SCUBE2: variants seen among roughly 807,000 people sequenced by gnomAD.
SCUBE2 encodes the protein signal peptide, CUB and EGF-like domain-containing protein 2.
A neutral mutation model predicts 125.9 loss-of-function variants in SCUBE2; 114 were observed. That is an observed-to-expected ratio of 0.91 (90% CI 0.78 to 1.06). The LOEUF is 1.06. SCUBE2 is among the 50% of genes least tolerant of loss of function. The pLI, the probability that SCUBE2 is intolerant of heterozygous loss-of-function variation, is 0.00. For missense variants in SCUBE2, 1,255 were observed against 1,301.8 expected (o/e 0.96, Z 0.55); for synonymous variants, 459 against 492.9 (o/e 0.93, Z 0.91).
intron 22 of SCUBE2, among the ~76,000 whole-genome samples, 163 bp downstream of exon 22, chr11:9,021,713 T>G (rs1855306235): frequency 6.6e-6 from 1 of 152,188 alleles, no homozygotes; most frequent in Non-Finnish European, 1.5e-5. Context: ...AGCAACCTGA[T>G]TTTTTTAAAA....
At chr11:9,029,609 G>T (rs1856105675) in intron 19 of SCUBE2, among the ~76,000 whole-genome samples, 1 of 152,218 alleles carries the variant, frequency 6.6e-6, no homozygotes, top group African/African-American at 2.4e-5. Flanking sequence ...GCTGATCAAG[G>T]CTGGACTAAA....
Position 9,032,604 on chromosome 11 carries a change from G to A in SCUBE2, c.2173+1022C>T, listed in dbSNP as rs532479218. On this transcript the variant is annotated intron_variant, in intron 17 of 22. Coordinates refer to ENST00000649792, the MANE Select transcript of SCUBE2 (RefSeq NM_001367977.2). ...AAAATTTAGCAGGGCATGGTGGCACGCACCTGTAATCCCAGCTTCTCTGGA... is the reference window on the plus strand; with the variant it reads ...AAAATTTAGCAGGGCATGGTGGCACACACCTGTAATCCCAGCTTCTCTGGA... Among the ~76,000 whole-genome samples, 54 of 152,232 alleles carry A rather than the reference G, an allele frequency of 3.5e-4. No homozygotes were observed. The South Asian group carries it at 7.7e-3, about 22-fold the overall frequency.
chr11:9,069,919 C>T (rs1219621742), intron 4 of SCUBE2, among the ~76,000 whole-genome samples: 1 of 152,232 alleles, frequency 6.6e-6, no homozygotes, highest in African/African-American at 2.4e-5. Flanking sequence ...TTCACATACT[C>T]TTGAAGATAA....
intron 13 of SCUBE2, among the ~76,000 whole-genome samples, chr11:9,052,387 C>A (rs891423932): frequency 1.3e-5 from 2 of 152,242 alleles, no homozygotes; most frequent in African/African-American, 4.8e-5. Flanking sequence ...TCCCTGCTGC[C>A]CCTGCTTTGC....
At position 9,074,627 on chromosome 11, in the gene SCUBE2, G is replaced by C. The variant is rs746304861; in HGVS notation, c.383-12C>G. 6.2e-7 allele frequency: 1 copy of C among 1,614,158 alleles called. No individual in the cohort carries two copies. The highest frequency in any genetic ancestry group is 1.7e-5 in the Admixed American group (1 of 60,016). ...GCACTCGTCCACATCTGGAAGGAGA[G>C]AGGGATTAGCCTTTGCTTTGGTGAC... On this transcript the variant is annotated splice_polypyrimidine_tract_variant and intron_variant, in intron 3 of 22. Coordinates refer to ENST00000649792, the MANE Select transcript of SCUBE2 (RefSeq NM_001367977.2).
intron 7 of SCUBE2, among the ~76,000 whole-genome samples, chr11:9,063,656 C>T (rs1217644870): frequency 1.3e-5 from 2 of 152,106 alleles, no homozygotes; most frequent in Non-Finnish European, 2.9e-5. Flanking sequence ...CTATCTCATT[C>T]GCCGGATAAA....
chr11:9,056,006 A>G (rs1859046882), intron 9 of SCUBE2, 97 bp from the exon 10 acceptor site: 1 of 869,648 alleles, frequency 1.1e-6, no homozygotes, highest in African/African-American at 1.6e-5. Context: ...CAACACCAAA[A>G]ACAATACACA....
chr11:9,072,401 G>A (rs373104572), intron 4 of SCUBE2, among the ~76,000 whole-genome samples: 3 of 152,070 alleles, frequency 2.0e-5, no homozygotes, highest in African/African-American at 7.2e-5. Flanking sequence ...GTAGAGATGG[G>A]GTTTCACCGC....
intron 2 of SCUBE2, among the ~76,000 whole-genome samples, chr11:9,088,759 C>G (rs1337740629): frequency 1.3e-5 from 2 of 152,220 alleles, no homozygotes; most frequent in Non-Finnish European, 2.9e-5. Flanking sequence ...CATCTAATTT[C>G]TTCCTGCAAG....
chr11:9,041,189 C>G (rs919023130), intron 16 of SCUBE2, among the ~76,000 whole-genome samples: 1 of 152,130 alleles, frequency 6.6e-6, no homozygotes, highest in Non-Finnish European at 1.5e-5. Context: ...ACATAGTGTA[C>G]TAGCCAATAG....
rs148553714 is a variant in SCUBE2 at position 9,043,877 on chromosome 11, T to C, written c.2002+3479A>G. 4.6e-5 allele frequency among the ~76,000 whole-genome samples: 7 copies of C among 151,642 alleles called. No homozygotes were observed. The East Asian group carries it at 1.4e-3, about 29-fold the overall frequency. On this transcript the variant is annotated intron_variant, in intron 16 of 22. Transcript: ENST00000649792. ...GATAAATAATCCATGTTAGCAAAGA[T>C]GTAGGATGCTTCCAACGTTGGAAGC...
chr11:9,039,963 C>T (rs1025539316), intron 16 of SCUBE2, among the ~76,000 whole-genome samples: 2 of 152,230 alleles, frequency 1.3e-5, no homozygotes, highest in Admixed American at 6.5e-5. Flanking sequence ...AAAGAACACC[C>T]GACTGAAGGG....
chr11:9,089,264 A>G (rs1276791407), intron 2 of SCUBE2, among the ~76,000 whole-genome samples: 2 of 152,190 alleles, frequency 1.3e-5, no homozygotes, highest in Admixed American at 1.3e-4. Flanking sequence ...CCAAAGCCAT[A>G]AACAGGATGG....
At position 9,065,913 on chromosome 11, in the gene SCUBE2, C is replaced by G. The variant is rs1377931084; in HGVS notation, c.828G>C (p.Arg276=). ...NTTSVVDGDK[R]VKRRLLMETC... ...TACCCATGAGCAGCCGCCGTTTCACCCGTTTATCCCCATCCACCACTGATG... is the reference window on the plus strand; with the variant it reads ...TACCCATGAGCAGCCGCCGTTTCACGCGTTTATCCCCATCCACCACTGATG... Residue 276 remains arginine (R), a synonymous_variant, in exon 7 of 23, where the codon CGG becomes CGC. Coordinates refer to ENST00000649792, the MANE Select transcript of SCUBE2 (RefSeq NM_001367977.2). The G allele has an allele frequency of 6.2e-7, 1 of 1,614,052 alleles. No individual in the cohort carries two copies. Among genetic ancestry groups the G allele is most frequent in the African/African-American group, 1.3e-5 (1 of 74,936 alleles).
intron 17 of SCUBE2, 112 bp from the exon 18 acceptor site, chr11:9,031,037 T>C: frequency 1.0e-6 from 1 of 959,778 alleles, no homozygotes; most frequent in Non-Finnish European, 1.5e-6. Context: ...TGACCGCAGT[T>C]CCCACCTCAG....
intron 16 of SCUBE2, among the ~76,000 whole-genome samples, chr11:9,040,744 C>T (rs190315220): frequency 1.2e-4 from 18 of 151,716 alleles, no homozygotes; most frequent in South Asian, 6.3e-4. Flanking sequence ...ACCGTGGGTA[C>T]GCAGCATAAA....
At chr11:9,088,700 T>C (rs1350824844) in intron 2 of SCUBE2, among the ~76,000 whole-genome samples, 1 of 152,098 alleles carries the variant, frequency 6.6e-6, no homozygotes, top group African/African-American at 2.4e-5. Flanking sequence ...CTTGTCAAGG[T>C]TGGGTCCAGG....
intron 1 of SCUBE2, 96 bp from the exon 2 acceptor site, chr11:9,089,925 G>C: frequency 6.9e-7 from 1 of 1,452,438 alleles, no homozygotes; most frequent in East Asian, 2.4e-5. Flanking sequence ...AGCCCACCCC[G>C]CTTCACTCCT....
At chr11:9,035,174 T>C (rs1856656726) in intron 16 of SCUBE2, among the ~76,000 whole-genome samples, 1 of 152,096 alleles carries the variant, frequency 6.6e-6, no homozygotes. Context: ...ATCATCAGAG[T>C]CATCGCATTT....
Sources: allele counts gnomAD v4.1 joint callset (sites outside exome capture counted in the v4.1 genomes callset), GRCh38; gene constraint gnomAD v4.1.1; transcripts MANE v1.5; gene names NCBI Gene and HGNC (gene_info 2026-07-23, HGNC 2026-07-21).